Variants in STRA8 observed in about 807,000 individuals in gnomAD.
The protein encoded by STRA8 is stimulated by retinoic acid gene 8 protein homolog.
STRA8 carries 18 observed loss-of-function variants against 37.1 expected under a neutral mutation model. That is an observed-to-expected ratio of 0.48 (90% CI 0.34 to 0.72). The LOEUF (loss-of-function observed/expected upper bound fraction) is 0.72. STRA8 is among the 30% of genes least tolerant of loss of function. The pLI is 0.01. For missense variants in STRA8, 357 were observed against 410.4 expected, an observed-to-expected ratio of 0.87 and a Z score of 1.13; for synonymous variants, 168 against 162.9, an observed-to-expected ratio of 1.03 and a Z score of -0.24.
Position 135,242,741 on chromosome 7 carries a change from T to G in STRA8, c.193-40T>G, listed in dbSNP as rs746104147. 3 of 1,601,014 alleles carry G rather than the reference T, an allele frequency of 1.9e-6. No homozygotes were observed. The South Asian group carries it at 3.3e-5, about 18-fold the overall frequency. ...GGGTCCACAAAATCAGTCTCTGCAGTGAGAGGCTGGCTTTCAGCATTGTCT... is the reference window on the plus strand; with the variant it reads ...GGGTCCACAAAATCAGTCTCTGCAGGGAGAGGCTGGCTTTCAGCATTGTCT... On this transcript the variant is annotated intron_variant, in intron 2 of 8. Transcript: ENST00000662584.
intron 7 of STRA8, among the ~76,000 whole-genome samples, chr7:135,254,859 T>C (rs1832682933): frequency 1.3e-5 from 2 of 152,202 alleles, no homozygotes; most frequent in Non-Finnish European, 2.9e-5. Context: ...CGTTCCCTTG[T>C]TCCAGTGGCC....
intron 8 of STRA8, among the ~76,000 whole-genome samples, chr7:135,258,088 C>T (rs781733390): frequency 2.0e-4 from 30 of 152,178 alleles, no homozygotes; most frequent in African/African-American, 7.2e-4. Flanking sequence ...GTGCAGTGCA[C>T]CGTCTTCTAT....
At chr7:135,247,962 G>A (rs1285664280) in intron 6 of STRA8, among the ~76,000 whole-genome samples, 2 of 152,224 alleles carry the variant, frequency 1.3e-5, no homozygotes, top group African/African-American at 4.8e-5. Flanking sequence ...CCTGTGCTTC[G>A]TGGACATTTA....
intron 8 of STRA8, among the ~76,000 whole-genome samples, chr7:135,257,324 C>A (rs1832716236): frequency 6.6e-6 from 1 of 152,230 alleles, no homozygotes; most frequent in African/African-American, 2.4e-5. Flanking sequence ...ACAGAAGGAG[C>A]AAAGCCTCAG....
At chr7:135,255,266 G>A (rs1159329917) in intron 8 of STRA8, 41 bp downstream of exon 8, 4 of 1,511,362 alleles carry the variant, frequency 2.6e-6, no homozygotes, top group Non-Finnish European at 3.7e-6. Flanking sequence ...TGCCCACCTT[G>A]CTTAGATAGC....
At chr7:135,244,967 G>C (rs1461784187) in intron 4 of STRA8, among the ~76,000 whole-genome samples, 1 of 152,156 alleles carries the variant, frequency 6.6e-6, no homozygotes, top group Non-Finnish European at 1.5e-5. Context: ...CCCTTTATCA[G>C]GTTAACAAAG....
At chr7:135,242,432 G>C (rs1832481026) in intron 2 of STRA8, among the ~76,000 whole-genome samples, 1 of 152,200 alleles carries the variant, frequency 6.6e-6, no homozygotes, top group Non-Finnish European at 1.5e-5. Context: ...GTGCAAGCCT[G>C]GGGTTGACGT....
chr7:135,250,698 G>A (rs1832623856), intron 6 of STRA8, among the ~76,000 whole-genome samples: 1 of 152,234 alleles, frequency 6.6e-6, no homozygotes, highest in Admixed American at 6.5e-5. Context: ...GTGATTGCCA[G>A]TGCAAAGGAG....
chr7:135,253,435 AAGG>A (rs1191283834), intron 7 of STRA8, among the ~76,000 whole-genome samples: 1 of 152,090 alleles, frequency 6.6e-6, no homozygotes, highest in Non-Finnish European at 1.5e-5. Flanking sequence ...GCTGACCTGG[AAGG>A]AGAAGGCGGG....
chr7:135,242,664 A>G (rs934099987), intron 2 of STRA8, 117 bp from the exon 3 acceptor site: 5 of 861,214 alleles, frequency 5.8e-6, no homozygotes, highest in African/African-American at 5.0e-5. Context: ...AGGTTAAGGG[A>G]TGTGACTTTG....
At chr7:135,243,117 A>G (rs920232747) in intron 3 of STRA8, among the ~76,000 whole-genome samples, 1 of 152,108 alleles carries the variant, frequency 6.6e-6, no homozygotes, top group African/African-American at 2.4e-5. Context: ...ACCTGATCTC[A>G]TCTTCAGAGG....
At chr7:135,251,663 C>CT in intron 6 of STRA8, 133 bp from the exon 7 acceptor site, 3 of 823,628 alleles carry the variant, frequency 3.6e-6, no homozygotes, top group Non-Finnish European at 6.1e-6. Context: ...GTGTGGGCCC[C>CT]AGCTCTGACA....
intron 2 of STRA8, among the ~76,000 whole-genome samples, chr7:135,241,727 C>T (rs1431197414): frequency 2.6e-5 from 4 of 152,192 alleles, no homozygotes; most frequent in Non-Finnish European, 5.9e-5. Context: ...TTAGTACCTA[C>T]TTAATTCTAT....
chr7:135,233,717 T>C (rs965800195), upstream of STRA8, among the ~76,000 whole-genome samples: 4 of 152,042 alleles, frequency 2.6e-5, no homozygotes, highest in East Asian at 3.9e-4. Flanking sequence ...CACACGCCCA[T>C]TGGCCCGTCA....
chr7:135,237,753 G>A (rs1322235776), intron 1 of STRA8, among the ~76,000 whole-genome samples: 8 of 152,074 alleles, frequency 5.3e-5, no homozygotes, highest in African/African-American at 1.7e-4. Flanking sequence ...TTAGCCAGTC[G>A]TGGTGGTGGG....
chr7:135,232,558 G>A (rs562471164), upstream of STRA8, among the ~76,000 whole-genome samples: 20 of 152,032 alleles, frequency 1.3e-4, no homozygotes, highest in East Asian at 5.8e-4. Context: ...CAGGAGAATC[G>A]CTTGAGCCCG....
upstream of STRA8, among the ~76,000 whole-genome samples, chr7:135,232,515 G>A (rs1832308545): frequency 1.3e-5 from 2 of 151,968 alleles, no homozygotes; most frequent in Admixed American, 1.3e-4. Context: ...TGGTGGTGCG[G>A]GGCTGTAGTC....
chr7:135,258,559 A>G lies in STRA8; in HGVS notation c.*67A>G, dbSNP rs1353299739. On this transcript the variant is annotated 3_prime_UTR_variant, in exon 9 of 9. Transcript: ENST00000662584. ...GCAGTTCCCAAGGTTGAATGCTGGCAGCTAAGGTTGCACCTGCCTTGGCCT... is the reference window on the plus strand; with the variant it reads ...GCAGTTCCCAAGGTTGAATGCTGGCGGCTAAGGTTGCACCTGCCTTGGCCT... 7.1e-7 allele frequency: 1 copy of G among 1,406,750 alleles called. No homozygotes were observed. Among genetic ancestry groups the G allele is most frequent in the Non-Finnish European group, 9.8e-7 (1 of 1,019,560 alleles). 87.1% of individuals were successfully genotyped at this position (1,406,750 alleles called of 1,614,324 possible).
Position 135,246,403 on chromosome 7 carries a change from C to A in STRA8, c.594-14C>A. 1 of 1,592,454 alleles carries A rather than the reference C, an allele frequency of 6.3e-7. No homozygotes were observed. Among genetic ancestry groups the A allele is most frequent in the Middle Eastern group, 1.7e-4 (1 of 6,040 alleles). Reference sequence around the variant, plus strand: ...GAGCTTTAGGGGTGCGAGACGGCGCCGCTTCTGTTCCAGGTATCTCAACTT... The same window carrying A: ...GAGCTTTAGGGGTGCGAGACGGCGCAGCTTCTGTTCCAGGTATCTCAACTT... On this transcript the variant is annotated splice_polypyrimidine_tract_variant and intron_variant, in intron 5 of 8. Transcript: ENST00000662584. The surrounding 1 kb of genome is among the most constrained non-coding windows in gnomAD (Gnocchi z 5.4).
Sources: allele counts gnomAD v4.1 joint callset (sites outside exome capture counted in the v4.1 genomes callset), GRCh38; gene constraint gnomAD v4.1.1; non-coding constraint Gnocchi (gnomAD v3.1); transcripts MANE v1.5; gene names NCBI Gene and HGNC (gene_info 2026-07-23, HGNC 2026-07-21).